The following FBXL12 variants were observed in gnomAD, a reference collection of about 807,000 sequenced individuals.
The protein encoded by FBXL12 is F-box/LRR-repeat protein 12.
In FBXL12, 22 loss-of-function variants were observed where a neutral mutation model predicts 24.9. That is an observed-to-expected ratio of 0.88 (90% CI 0.63 to 1.26). FBXL12 has a LOEUF of 1.26. FBXL12 is among the 50% of genes most tolerant of loss of function. The pLI is 0.00. For synonymous variants in FBXL12, 193 were observed against 193.8 expected, an observed-to-expected ratio of 1.00 and a Z score of 0.03; for missense variants, 384 against 434.1, an observed-to-expected ratio of 0.88 and a Z score of 1.03.
chr19:9,813,479 G>T, intron 2 of FBXL12: 1 of 302,336 alleles, frequency 3.3e-6, no homozygotes, highest in Non-Finnish European at 6.0e-6. Flanking sequence ...GGGATTACAG[G>T]CATGTGCCAC....
In FBXL12 at chr19:9,811,216, G is replaced by GC. The variant is rs1288545811; in HGVS notation, c.660dup (p.Leu221AlafsTer53). ...TCTCGGAGGTGGCGGCTGATGGCCAGCAGGGTGCTGTCGGCAGACAGGGTG... is the reference window on the plus strand; with the variant it reads ...TCTCGGAGGTGGCGGCTGATGGCCAGCCAGGGTGCTGTCGGCAGACAGGGTG... On this transcript the variant is annotated frameshift_variant, in exon 3 of 3. Coordinates refer to ENST00000247977, the MANE Select transcript of FBXL12 (RefSeq NM_017703.3). LOFTEE classifies it high-confidence loss of function. The surrounding 1 kb of genome is among the most constrained non-coding windows in gnomAD (Gnocchi z 6.0). 6.2e-7 allele frequency: 1 copy of GC among 1,613,268 alleles called. No homozygotes were observed. Among genetic ancestry groups the GC allele is most frequent in the Non-Finnish European group, 8.5e-7 (1 of 1,179,800 alleles).
intron 2 of FBXL12, among the ~76,000 whole-genome samples, chr19:9,815,512 G>A (rs929165837): frequency 1.3e-5 from 2 of 152,162 alleles, no homozygotes; most frequent in African/African-American, 4.8e-5. Flanking sequence ...TCTGTGTGGG[G>A]GCTCTGACCC....
chr19:9,813,293 T>C lies in FBXL12; in HGVS notation c.160-1576A>G. ...ATAGGGCCTAATGGAAAAAGGAAAA[T>C]TGTCTAATAACATATTCTTTATGTG... On this transcript the variant is annotated intron_variant, in intron 2 of 2. Coordinates refer to ENST00000247977, the MANE Select transcript of FBXL12 (RefSeq NM_017703.3). 4 of 1,218,676 alleles carry C rather than the reference T, an allele frequency of 3.3e-6. No homozygotes were observed. In the South Asian group the frequency reaches 1.2e-4, roughly 38 times the overall value. The allele number at this position is 1,218,676 out of a possible 1,614,324, so 75.5% of individuals were successfully genotyped here.
At position 9,818,148 on chromosome 19, in the gene FBXL12, G is replaced by T. The variant is rs1599432679; in HGVS notation, c.159+397C>A. On this transcript the variant is annotated intron_variant, in intron 2 of 2. Transcript: ENST00000247977. ...GATCGCTTGAGCTTGGGAGGTCGAG[G>T]CTGCAATCGCACCACTGCACTCCAG... The T allele has an allele frequency of 1.5e-5, 6 of 403,060 alleles. No individual in the cohort carries two copies. In the East Asian group the frequency reaches 2.1e-4, roughly 14 times the overall value. 25.0% of individuals were successfully genotyped at this position (403,060 alleles called of 1,614,324 possible). A position where few individuals can be genotyped will look rare whatever the true frequency, so the allele number is the denominator to read the frequency against.
chr19:9,818,719 G>A lies in FBXL12; in HGVS notation c.86+9C>T. On this transcript the variant is annotated intron_variant, in intron 1 of 2. Coordinates refer to ENST00000247977, the MANE Select transcript of FBXL12 (RefSeq NM_017703.3). Reference sequence around the variant, plus strand: ...CGCCCTGCCCTTCCCCCCGGAGGCGGGGCCGCACCTGGAGATGCGGATCCG... The same window carrying A: ...CGCCCTGCCCTTCCCCCCGGAGGCGAGGCCGCACCTGGAGATGCGGATCCG... The A allele has an allele frequency of 6.5e-7, 1 of 1,544,912 alleles. No individual in the cohort carries two copies. Among genetic ancestry groups the A allele is most frequent in the Admixed American group, 2.0e-5 (1 of 50,932 alleles).
intron 2 of FBXL12, among the ~76,000 whole-genome samples, chr19:9,818,003 C>T (rs1452166881): frequency 1.3e-5 from 2 of 152,152 alleles, no homozygotes; most frequent in Non-Finnish European, 2.9e-5. Context: ...CACTTGAGCC[C>T]AGGAGTTCGA....
chr19:9,817,499 T>C (rs573106311), intron 2 of FBXL12, among the ~76,000 whole-genome samples: 1 of 152,276 alleles, frequency 6.6e-6, no homozygotes, highest in South Asian at 2.1e-4. Flanking sequence ...AATCAACTTT[T>C]CCTCGCAAAA....
At chr19:9,814,823 A>T (rs2045845558) in intron 2 of FBXL12, among the ~76,000 whole-genome samples, 1 of 152,134 alleles carries the variant, frequency 6.6e-6, no homozygotes. Flanking sequence ...ACCAGCCCCC[A>T]AGATTCAATT....
Position 9,810,848 on chromosome 19 carries a change from G to C in FBXL12, c.*48C>G. On this transcript the variant is annotated 3_prime_UTR_variant, in exon 3 of 3. Transcript: ENST00000247977. ...TTCAAGGTGCTGCTCAGAGGGTCTG[G>C]GGCTCAATGATGAAAACTGGGATGG... 1 of 1,456,488 alleles carries C rather than the reference G, an allele frequency of 6.9e-7. No homozygotes were observed. Among genetic ancestry groups the C allele is most frequent in the Non-Finnish European group, 9.4e-7 (1 of 1,064,840 alleles). 90.2% of individuals were successfully genotyped at this position (1,456,488 alleles called of 1,614,324 possible).
chr19:9,818,259 A>G (rs2045924781), intron 2 of FBXL12: 1 of 450,870 alleles, frequency 2.2e-6, no homozygotes, highest in Non-Finnish European at 3.9e-6. Context: ...CGAATGATAA[A>G]TATGTGCCAG....
chr19:9,814,873 G>C (rs1044757609), intron 2 of FBXL12, among the ~76,000 whole-genome samples: 1 of 152,036 alleles, frequency 6.6e-6, no homozygotes, highest in Non-Finnish European at 1.5e-5. Context: ...GGGAATTCTG[G>C]GAAATACAAT....
chr19:9,815,212 ATCCAGTGGGGCAGTCAAAT>A (rs560572402), intron 2 of FBXL12, among the ~76,000 whole-genome samples: 140 of 152,206 alleles, frequency 9.2e-4, no homozygotes, highest in Non-Finnish European at 1.7e-3. Context: ...CAAGTCTGAA[ATCCAGTGGGGCAGTCAAAT>A]TTTAAAGCTC....
Position 9,810,809 on chromosome 19 carries a change from G to T in FBXL12, c.*87C>A. On this transcript the variant is annotated 3_prime_UTR_variant, in exon 3 of 3. Coordinates refer to ENST00000247977, the MANE Select transcript of FBXL12 (RefSeq NM_017703.3). ...TGGGGCTTTCAGTTTCCTCAAGTCT[G>T]ATTATCTGCCCTCTTCAAGGTGCTG... 9.1e-7 allele frequency: 1 copy of T among 1,093,956 alleles called. No homozygotes were observed. Among genetic ancestry groups the T allele is most frequent in the Non-Finnish European group, 1.3e-6 (1 of 771,068 alleles). The allele number at this position is 1,093,956 out of a possible 1,614,324, so 67.8% of individuals were successfully genotyped here.
rs747505437 is a variant in FBXL12, at chr19:9,818,379, A to G, written c.159+166T>C. 5.4e-5 allele frequency: 37 copies of G among 686,220 alleles called. No individual in the cohort carries two copies. The South Asian group carries it at 6.5e-4, about 12-fold the overall frequency. The allele number at this position is 686,220 out of a possible 1,614,324, so 42.5% of individuals were successfully genotyped here. ...CAGGGATGAGGAAATTGAGGCCCTG[A>G]GGTCGAAGAGGAGCTGGTAAGCGAT... On this transcript the variant is annotated intron_variant, in intron 2 of 2. Transcript: ENST00000247977.
At chr19:9,818,472 G>T in intron 2 of FBXL12, 73 bp downstream of exon 2, 1 of 1,468,612 alleles carries the variant, frequency 6.8e-7, no homozygotes, top group Non-Finnish European at 9.2e-7. Context: ...CACAGTCCCA[G>T]GGTGGGAGAG....
At chr19:9,813,357 A>T in intron 2 of FBXL12, 2 of 940,730 alleles carry the variant, frequency 2.1e-6, no homozygotes, top group Non-Finnish European at 2.8e-6. Context: ...TTTTTTTTTG[A>T]GACGGAGTTT....
Position 9,810,830 on chromosome 19 carries a change from T to C in FBXL12, c.*66A>G. ...GTCTGATTATCTGCCCTCTTCAAGG[T>C]GCTGCTCAGAGGGTCTGGGGCTCAA... On this transcript the variant is annotated 3_prime_UTR_variant, in exon 3 of 3. Coordinates refer to ENST00000247977, the MANE Select transcript of FBXL12 (RefSeq NM_017703.3). The C allele has an allele frequency of 7.7e-7, 1 of 1,306,120 alleles. No homozygotes were observed. Among genetic ancestry groups the C allele is most frequent in the Non-Finnish European group, 1.1e-6 (1 of 944,130 alleles). The allele number at this position is 1,306,120 out of a possible 1,614,324, so 80.9% of individuals were successfully genotyped here.
chr19:9,813,976 A>G (rs1312196430), intron 2 of FBXL12, among the ~76,000 whole-genome samples: 1 of 152,172 alleles, frequency 6.6e-6, no homozygotes, highest in Non-Finnish European at 1.5e-5. Context: ...CCATTCACTG[A>G]AGAAAATAGC....
chr19:9,814,523 A>T (rs531489505), intron 2 of FBXL12: 2 of 151,322 alleles, frequency 1.3e-5, no homozygotes, highest in South Asian at 2.1e-4. Context: ...AAAAATAAAT[A>T]AATTAATTTA....
Sources: allele counts gnomAD v4.1 joint callset (sites outside exome capture counted in the v4.1 genomes callset), GRCh38; gene constraint gnomAD v4.1.1; non-coding constraint Gnocchi (gnomAD v3.1); transcripts MANE v1.5; gene names NCBI Gene and HGNC (gene_info 2026-07-23, HGNC 2026-07-21).